Variants in RASGRF1 observed in about 807,000 individuals in gnomAD.
The protein encoded by RASGRF1 is Ras protein specific guanine nucleotide releasing factor 1.
In RASGRF1, 40 loss-of-function variants were observed where a neutral mutation model predicts 138.7. That is an observed-to-expected ratio of 0.29 (90% CI 0.22 to 0.38). The LOEUF (loss-of-function observed/expected upper bound fraction) is 0.38. RASGRF1 is among the 10% of genes least tolerant of loss of function. The pLI is 1.00. For missense variants in RASGRF1, 1,108 were observed against 1,650.4 expected, an observed-to-expected ratio of 0.67 and a Z score of 5.69; for synonymous variants, 614 against 663.2, an observed-to-expected ratio of 0.93 and a Z score of 1.14.
At chr15:79,041,561 G>A (rs1267095714) in intron 5 of RASGRF1, among the ~76,000 whole-genome samples, 2 of 152,194 alleles carry the variant, frequency 1.3e-5, no homozygotes, top group African/African-American at 4.8e-5. Context: ...TGGCATCCAA[G>A]GAAAGACATG....
chr15:78,974,180 G>T (rs1228680326), intron 24 of RASGRF1, among the ~76,000 whole-genome samples: 1 of 152,188 alleles, frequency 6.6e-6, no homozygotes, highest in Admixed American at 6.5e-5. Flanking sequence ...CTCGGTGCTG[G>T]GTAAGGGTTG....
At chr15:79,070,268 T>C (rs999272444) in intron 1 of RASGRF1, among the ~76,000 whole-genome samples, 1 of 152,162 alleles carries the variant, frequency 6.6e-6, no homozygotes, top group Admixed American at 6.5e-5. Context: ...GTGGTCCAGT[T>C]TGGGTCAAAG....
At chr15:79,001,531 A>G in intron 16 of RASGRF1, 131 bp downstream of exon 16, 1 of 1,198,128 alleles carries the variant, frequency 8.3e-7, no homozygotes, top group Admixed American at 2.4e-5. Context: ...ATGAAATATC[A>G]GAAAAGTTAC....
At chr15:78,990,165 A>G in intron 22 of RASGRF1, 24 bp downstream of exon 22, 1 of 1,535,122 alleles carries the variant, frequency 6.5e-7, no homozygotes. Flanking sequence ...CCCCAGTGAG[A>G]GAGGCGCTCC....
chr15:79,058,316 C>T lies in RASGRF1; in HGVS notation c.531+18G>A, dbSNP rs755715341. 1.2e-6 allele frequency: 2 copies of T among 1,609,446 alleles called. No individual in the cohort carries two copies. Among genetic ancestry groups the T allele is most frequent in the East Asian group, 2.2e-5 (1 of 44,846 alleles). On this transcript the variant is annotated intron_variant, in intron 3 of 26. Transcript: ENST00000558480. Reference sequence around the variant, plus strand: ...TGTTGTGCCTAGGGCCTGGGCCCACCCCCCAGCCCGCAGTCACCTCTGCCT... The same window carrying T: ...TGTTGTGCCTAGGGCCTGGGCCCACTCCCCAGCCCGCAGTCACCTCTGCCT...
Position 79,027,507 on chromosome 15 carries a change from T to C in RASGRF1, c.1381+234A>G, listed in dbSNP as rs371326672. ...CCATCTGGGTAGAATTCTGTTTACATCTGGAGAGAAGGAAACTGTGAAAAC... is the reference window on the plus strand; with the variant it reads ...CCATCTGGGTAGAATTCTGTTTACACCTGGAGAGAAGGAAACTGTGAAAAC... On this transcript the variant is annotated intron_variant, in intron 9 of 26. Coordinates refer to ENST00000558480, the MANE Select transcript of RASGRF1 (RefSeq NM_001145648.3). This position sits in a 1 kb window ranked among gnomAD's most constrained non-coding sequence, Gnocchi z 4.8. 2.0e-5 allele frequency among the ~76,000 whole-genome samples: 3 copies of C among 152,222 alleles called. No homozygotes were observed. The highest frequency in any genetic ancestry group is 4.4e-5 in the Non-Finnish European group (3 of 68,032).
At chr15:79,009,049 C>A (rs1450150072) in intron 13 of RASGRF1, among the ~76,000 whole-genome samples, 1 of 152,172 alleles carries the variant, frequency 6.6e-6, no homozygotes. Context: ...CAGGCCCAAA[C>A]CTTGATGTGA....
At chr15:78,993,204 G>T in intron 20 of RASGRF1, among the ~76,000 whole-genome samples, 1 of 133,944 alleles carries the variant, frequency 7.5e-6, no homozygotes, top group Non-Finnish European at 1.7e-5. Context: ...GTGTGTATGT[G>T]GTGTGTGTGC....
chr15:79,046,821 C>T lies in RASGRF1; in HGVS notation c.803G>A (p.Arg268His), dbSNP rs771458045. 1.2e-5 allele frequency: 20 copies of T among 1,614,226 alleles called. No homozygotes were observed. Among genetic ancestry groups the T allele is most frequent in the East Asian group, 2.2e-5 (1 of 44,884 alleles). Residue 268 changes from arginine (R) to histidine (H), a missense_variant, in exon 5 of 27, where the codon CGC (arginine) becomes CAC (histidine). By Grantham distance (29) the Arg-to-His change is conservative. Transcript: ENST00000558480. This position sits in a 1 kb window ranked among gnomAD's most constrained non-coding sequence, Gnocchi z 5.3. ...QLHILVNNFL[R>H]PLRMAASSKK... Reference sequence around the variant, plus strand: ...GGAGCTGGCGGCCATCCGCAGCGGGCGCAGGAAATTGTTGACAAGGATGTG... The same window carrying T: ...GGAGCTGGCGGCCATCCGCAGCGGGTGCAGGAAATTGTTGACAAGGATGTG...
Position 79,049,489 on chromosome 15 carries a change from C to T in RASGRF1, c.624+7G>A, listed in dbSNP as rs777506194. The T allele has an allele frequency of 1.2e-6, 2 of 1,613,468 alleles. No homozygotes were observed. Among genetic ancestry groups the T allele is most frequent in the East Asian group, 4.5e-5 (2 of 44,858 alleles). On this transcript the variant is annotated splice_region_variant and intron_variant, in intron 4 of 26. Coordinates refer to ENST00000558480, the MANE Select transcript of RASGRF1 (RefSeq NM_001145648.3). ...CAAAGAAGGCCACCCAGAGGGATAG[C>T]ACTGACCTTCTTAATTTTCTTGATG...
At chr15:78,993,885 G>A (rs1016137149) in intron 20 of RASGRF1, among the ~76,000 whole-genome samples, 2 of 152,170 alleles carry the variant, frequency 1.3e-5, no homozygotes, top group African/African-American at 4.8e-5. Flanking sequence ...GGTGACCCTG[G>A]AAGCAGAGAT....
At position 79,003,744 on chromosome 15, in the gene RASGRF1, G is replaced by A. The variant is rs1178550285; in HGVS notation, c.2449+58C>T. 5 of 1,533,304 alleles carry A rather than the reference G, an allele frequency of 3.3e-6. No individual in the cohort carries two copies. The African/African-American group carries it at 6.9e-5, about 21-fold the overall frequency. 95.0% of individuals were successfully genotyped at this position (1,533,304 alleles called of 1,614,324 possible). The stretch of plus-strand genomic sequence containing the variant: ...CAGCCCTGAGGCCTTGCTGGGCCAG[G>A]CTGAGCCTCAGTGGGGCTGGGAGGC... On this transcript the variant is annotated intron_variant, in intron 15 of 26. Transcript: ENST00000558480.
intron 1 of RASGRF1, among the ~76,000 whole-genome samples, chr15:79,074,391 T>C (rs1302262772): frequency 6.6e-6 from 1 of 152,194 alleles, no homozygotes; most frequent in African/African-American, 2.4e-5. Context: ...GGGTCAATGA[T>C]GGGAAGTCTT....
At chr15:78,979,672 C>T (rs559378424) in intron 24 of RASGRF1, among the ~76,000 whole-genome samples, 1 of 152,320 alleles carries the variant, frequency 6.6e-6, no homozygotes, top group East Asian at 1.9e-4. Flanking sequence ...TGCAGATGGG[C>T]TGAATCACTG....
Position 79,073,101 on chromosome 15 carries a change from C to T in RASGRF1, c.277-8575G>A, listed in dbSNP as rs2057784342. Among the ~76,000 whole-genome samples, 1 of 152,124 alleles carries T rather than the reference C, an allele frequency of 6.6e-6. No individual in the cohort carries two copies. Among genetic ancestry groups the T allele is most frequent in the South Asian group, 2.1e-4 (1 of 4,814 alleles). On this transcript the variant is annotated intron_variant, in intron 1 of 26. Coordinates refer to ENST00000558480, the MANE Select transcript of RASGRF1 (RefSeq NM_001145648.3). This position sits in a 1 kb window ranked among gnomAD's most constrained non-coding sequence, Gnocchi z 4.2. ...GCCTCATGCCCACCTTCCCTGGGCC[C>T]TGGATGAGATCAGGACTCACTATAT...
rs999259745 is a variant in RASGRF1 at position 79,077,016 on chromosome 15, G to C, written c.277-12490C>G. Among the ~76,000 whole-genome samples, 4 of 152,220 alleles carry C rather than the reference G, an allele frequency of 2.6e-5. No individual in the cohort carries two copies. The South Asian group carries it at 8.3e-4, about 32-fold the overall frequency. On this transcript the variant is annotated intron_variant, in intron 1 of 26. Transcript: ENST00000558480. ...CAGGCATGGGCAATGGAGCTGGCTG[G>C]AAGGGGTTGGGGGGACTGGTTTTTC...
At chr15:79,019,357 C>A (rs1285433925) in intron 11 of RASGRF1, among the ~76,000 whole-genome samples, 2 of 152,146 alleles carry the variant, frequency 1.3e-5, no homozygotes. Flanking sequence ...TGAATAATGA[C>A]CCCACCTCCA....
chr15:79,017,944 T>G, intron 11 of RASGRF1, 38 bp from the exon 12 acceptor site: 1 of 1,608,340 alleles, frequency 6.2e-7, no homozygotes, highest in Non-Finnish European at 8.5e-7. Context: ...AGCATGAATG[T>G]GGACGCCTTT....
chr15:78,967,528 G>A (rs1460671156), intron 26 of RASGRF1, among the ~76,000 whole-genome samples: 1 of 152,128 alleles, frequency 6.6e-6, no homozygotes, highest in Non-Finnish European at 1.5e-5. Flanking sequence ...CAGCCTGGGT[G>A]ACAGGGTGAG....
Sources: gnomAD v4.1 joint callset for allele counts (sites outside exome capture counted in the v4.1 genomes callset) on GRCh38, gnomAD v4.1.1 for gene constraint, Gnocchi (gnomAD v3.1) non-coding constraint, MANE v1.5 for transcripts, NCBI Gene and HGNC (gene_info 2026-07-23, HGNC 2026-07-21) for gene names.